TECTB: variants seen among roughly 807,000 people sequenced by gnomAD.
TECTB encodes tectorin beta.
TECTB carries 45 observed loss-of-function variants against 43.3 expected under a neutral mutation model. The observed-to-expected ratio is 1.04, with a 90% CI of 0.82 to 1.33. The LOEUF is 1.33. Among genes scored for constraint, TECTB ranks in the 40% most tolerant of loss-of-function variants. TECTB has a pLI of 0.00. For missense variants in TECTB, 399 were observed against 404.7 expected (o/e 0.99, Z 0.12); for synonymous variants, 169 against 156.7 (o/e 1.08, Z -0.59).
intron 9 of TECTB, 85 bp downstream of exon 9, chr10:112,299,649 T>G: frequency 2.0e-6 from 3 of 1,496,706 alleles, no homozygotes; most frequent in Non-Finnish European, 2.8e-6. Context: ...TTGAGCATTT[T>G]TACTGAATTG....
At chr10:112,287,406 C>A (rs1848463788) in intron 5 of TECTB, among the ~76,000 whole-genome samples, 1 of 152,230 alleles carries the variant, frequency 6.6e-6, no homozygotes, top group African/African-American at 2.4e-5. Context: ...AGGACCCATA[C>A]ACACAGAGAC....
chr10:112,299,007 C>G (rs1221871783), intron 8 of TECTB, among the ~76,000 whole-genome samples: 3 of 152,072 alleles, frequency 2.0e-5, no homozygotes, highest in African/African-American at 4.8e-5. Flanking sequence ...TGAGCACAAA[C>G]AGCAAAAGGG....
At chr10:112,294,669 A>G (rs1045006994) in intron 7 of TECTB, among the ~76,000 whole-genome samples, 16 of 152,208 alleles carry the variant, frequency 1.1e-4, no homozygotes, top group African/African-American at 3.6e-4. Context: ...TGGAAGTCAT[A>G]CACAGGATGG....
chr10:112,294,023 CT>C lies in TECTB; in HGVS notation c.635del (p.Phe212SerfsTer9). The C allele has an allele frequency of 6.2e-7, 1 of 1,614,188 alleles. No homozygotes were observed. ...NSCWATPSAD[F>X]MYPLQWQLIN... ...GCTGTTGGGCCACCCCCTCGGCTGA[CT>C]TCATGTATCCCTTGCAGTGGCAGCT... On this transcript the variant is annotated frameshift_variant, in exon 7 of 11. Coordinates refer to ENST00000646139, the MANE Select transcript of TECTB (RefSeq NM_058222.3). LOFTEE classifies it high-confidence loss of function.
rs1016142787 is a variant in TECTB at position 112,296,670 on chromosome 10, A to G, written c.672-1399A>G. Among the ~76,000 whole-genome samples the G allele has an allele frequency of 2.0e-5, 3 of 152,228 alleles. No homozygotes were observed. In the East Asian group the frequency reaches 5.8e-4, roughly 29 times the overall value. The stretch of plus-strand genomic sequence containing the variant: ...GACCCGGCTCTGACCCCTGGTCCAG[A>G]TACAAAGGTACAGCATTCCCTCACT... On this transcript the variant is annotated intron_variant, in intron 7 of 10. Coordinates refer to ENST00000646139, the MANE Select transcript of TECTB (RefSeq NM_058222.3).
At chr10:112,297,952 C>G in intron 7 of TECTB, 117 bp from the exon 8 acceptor site, 1 of 1,368,496 alleles carries the variant, frequency 7.3e-7, no homozygotes, top group Non-Finnish European at 1.0e-6. Flanking sequence ...AATCAAAATG[C>G]CTGGGAAGGT....
Position 112,303,504 on chromosome 10 carries a change from A to C in TECTB, c.*192A>C. On this transcript the variant is annotated 3_prime_UTR_variant, in exon 11 of 11. Transcript: ENST00000646139. The stretch of plus-strand genomic sequence containing the variant: ...GCCTTTTTCTTTCTAAGAAAAACTT[A>C]GGCTACTTCCCGTGGCCCTTAGATC... 1.5e-6 allele frequency: 1 copy of C among 672,940 alleles called. No individual in the cohort carries two copies. Among genetic ancestry groups the C allele is most frequent in the East Asian group, 2.7e-5 (1 of 36,448 alleles). 41.7% of individuals were successfully genotyped at this position (672,940 alleles called of 1,614,324 possible).
chr10:112,283,695 T>C lies in TECTB; in HGVS notation c.-40T>C. Reference sequence around the variant, plus strand: ...GAAGGACCGTAAACATTTGGCCAGCTTGGTTTGGATACCTGGCAGAGACCA... The same window carrying C: ...GAAGGACCGTAAACATTTGGCCAGCCTGGTTTGGATACCTGGCAGAGACCA... On this transcript the variant is annotated 5_prime_UTR_variant, in exon 2 of 11. Transcript: ENST00000646139. 1 of 1,606,994 alleles carries C rather than the reference T, an allele frequency of 6.2e-7. No homozygotes were observed. Among genetic ancestry groups the C allele is most frequent in the Non-Finnish European group, 8.5e-7 (1 of 1,174,386 alleles).
chr10:112,283,615 GATTTT>G, intron 1 of TECTB, 28 bp from the exon 2 acceptor site: 2 of 893,320 alleles, frequency 2.2e-6, no homozygotes, highest in Non-Finnish European at 3.4e-6. Context: ...TTCTTCCCTT[GATTTT>G]AACTTTTCAT....
At position 112,300,279 on chromosome 10, in the gene TECTB, A is replaced by AAAGAAAGAAAGAAAAG. The variant is rs1361291056; in HGVS notation, c.907+717_907+718insGAAAGAAAGAAAAGAA. On this transcript the variant is annotated intron_variant, in intron 9 of 10. Coordinates refer to ENST00000646139, the MANE Select transcript of TECTB (RefSeq NM_058222.3). ...GAAAGAAAGAAAGAAAGAAAGAAAG[A>AAAGAAAGAAAGAAAAG]AAAGAAAGAAAGAAAGAAAGAAAGA... is the stretch of plus-strand genomic sequence containing the variant. 2.9e-3 allele frequency among the ~76,000 whole-genome samples: 141 copies of AAAGAAAGAAAGAAAAG among 48,294 alleles called. No individual in the cohort carries two copies. The Middle Eastern group carries it at 0.03, about 10-fold the overall frequency. 31.7% of individuals were successfully genotyped at this position (48,294 alleles called of 152,430 possible).
intron 3 of TECTB, 24 bp downstream of exon 3, chr10:112,284,749 G>A (rs1425949575): frequency 1.3e-6 from 2 of 1,491,834 alleles, no homozygotes; most frequent in African/African-American, 2.8e-5. Flanking sequence ...ACACAGTGCA[G>A]AGTTGTTTAA....
At chr10:112,297,691 G>A (rs1848560935) in intron 7 of TECTB, among the ~76,000 whole-genome samples, 1 of 152,148 alleles carries the variant, frequency 6.6e-6, no homozygotes, top group South Asian at 2.1e-4. Context: ...GGCAGCAGGG[G>A]CAATGCTGCA....
At chr10:112,300,206 G>A (rs527881503) in intron 9 of TECTB, among the ~76,000 whole-genome samples, 1 of 108,754 alleles carries the variant, frequency 9.2e-6, no homozygotes, top group Non-Finnish European at 1.9e-5. Context: ...AAGAAAGAGA[G>A]ACAGACAGAC....
At chr10:112,292,573 T>A (rs1403197987) in intron 5 of TECTB, among the ~76,000 whole-genome samples, 1 of 152,078 alleles carries the variant, frequency 6.6e-6, no homozygotes, top group South Asian at 2.1e-4. Context: ...TAGCTGGGAT[T>A]ACAGGGACTA....
intron 5 of TECTB, among the ~76,000 whole-genome samples, chr10:112,287,621 C>T (rs1433797290): frequency 6.6e-6 from 1 of 152,194 alleles, no homozygotes; most frequent in South Asian, 2.1e-4. Flanking sequence ...CTGCTGAACT[C>T]AGAAGGCGAG....
chr10:112,303,096 T>C, intron 10 of TECTB, 167 bp from the exon 11 acceptor site: 1 of 734,474 alleles, frequency 1.4e-6, no homozygotes, highest in South Asian at 1.8e-5. Flanking sequence ...TCAGGTTCTT[T>C]GTACTGATAA....
In TECTB at chr10:112,284,651, G is replaced by A. The variant is rs765710572; in HGVS notation, c.193G>A (p.Glu65Lys). 8.7e-6 allele frequency: 14 copies of A among 1,613,600 alleles called. No individual in the cohort carries two copies. Among genetic ancestry groups the A allele is most frequent in the Admixed American group, 3.3e-5 (2 of 59,956 alleles). The change falls in exon 3 of 11, where the codon GAA (glutamate) becomes AAA (lysine). Residue 65 changes from glutamate to lysine, a missense_variant. Coordinates refer to ENST00000646139, the MANE Select transcript of TECTB (RefSeq NM_058222.3). The stretch of plus-strand genomic sequence containing the variant: ...AGGGCTGTGTTACAATGGGGTCCAC[G>A]AAGGAGGTTACTACCAATTTGTGAT... Reference protein sequence around the residue: ...LGGLCYNGVHEGGYYQFVIPD... With the variant: ...LGGLCYNGVHKGGYYQFVIPD...
intron 5 of TECTB, among the ~76,000 whole-genome samples, chr10:112,288,874 T>G (rs1848476022): frequency 6.6e-6 from 1 of 152,224 alleles, no homozygotes; most frequent in African/African-American, 2.4e-5. Flanking sequence ...AGTGAAAAGT[T>G]ATTTTGACCC....
intron 9 of TECTB, among the ~76,000 whole-genome samples, chr10:112,300,598 T>C (rs545070015): frequency 6.6e-6 from 1 of 152,306 alleles, no homozygotes; most frequent in Non-Finnish European, 1.5e-5. Flanking sequence ...GCACAGTTGA[T>C]CATCACTAAT....
Sources: gnomAD v4.1 joint callset for allele counts (sites outside exome capture counted in the v4.1 genomes callset) on GRCh38, gnomAD v4.1.1 for gene constraint, MANE v1.5 for transcripts, NCBI Gene and HGNC (gene_info 2026-07-23, HGNC 2026-07-21) for gene names.